Variants in DLGAP2 observed in about 807,000 individuals in gnomAD.
The protein encoded by DLGAP2 is DLG associated protein 2.
DLGAP2 carries 26 observed loss-of-function variants against 100.3 expected under a neutral mutation model. The observed-to-expected ratio is 0.26, with a 90% confidence interval of 0.19 to 0.36. DLGAP2 has a LOEUF of 0.36. Among genes scored for constraint, DLGAP2 ranks in the 10% least tolerant of loss-of-function variants. DLGAP2 has a pLI of 1.00. For missense variants in DLGAP2, 1,858 were observed against 1,453.2 expected, an observed-to-expected ratio of 1.28 and a Z score of -4.53; for synonymous variants, 886 against 630.1, an observed-to-expected ratio of 1.41 and a Z score of -6.08.
rs548883503 is a variant in DLGAP2 at position 1,144,998 on chromosome 8, C to T, written c.74-113853C>T. 1.4e-4 allele frequency among the ~76,000 whole-genome samples: 21 copies of T among 152,342 alleles called. No homozygotes were observed. The South Asian group carries it at 3.5e-3, about 26-fold the overall frequency. On this transcript the variant is annotated intron_variant, in intron 2 of 14. Coordinates refer to ENST00000637795, the MANE Select transcript of DLGAP2 (RefSeq NM_001346810.2). Reference sequence around the variant, plus strand: ...TATGAACAGACAAACCACAAATGGCCTGTATTCACAATGCAAAGGAAGGAA... The same window carrying T: ...TATGAACAGACAAACCACAAATGGCTTGTATTCACAATGCAAAGGAAGGAA...
At position 797,167 on chromosome 8, in the gene DLGAP2, A is replaced by T. The variant is rs7461510; in HGVS notation, c.18+59342A>T. On this transcript the variant is annotated intron_variant, in intron 1 of 14. Transcript: ENST00000637795. Reference sequence around the variant, plus strand: ...ACGACCCTGTAGTCACCACCCAAGAAGAAGACGTCCCGTCATCTCCGAAAG... The same window carrying T: ...ACGACCCTGTAGTCACCACCCAAGATGAAGACGTCCCGTCATCTCCGAAAG... 9.8e-5 allele frequency among the ~76,000 whole-genome samples: 15 copies of T among 152,292 alleles called. No homozygotes were observed. In the East Asian group the frequency reaches 1.7e-3, roughly 18 times the overall value.
chr8:795,696 G>A (rs75072938), intron 1 of DLGAP2, among the ~76,000 whole-genome samples: 346 of 21,708 alleles, frequency 0.016, 1 homozygote, highest in Admixed American at 0.021. Context: ...TCCAGTGAGA[G>A]CAGGCGTCCA....
At chr8:1,588,426 T>C (rs1434175137) in intron 6 of DLGAP2, among the ~76,000 whole-genome samples, 1 of 152,216 alleles carries the variant, frequency 6.6e-6, no homozygotes, top group Admixed American at 6.5e-5. Context: ...GCTCATCTTA[T>C]ATGTAATTCT....
chr8:877,850 A>G (rs946464300), intron 1 of DLGAP2, among the ~76,000 whole-genome samples: 4 of 152,204 alleles, frequency 2.6e-5, no homozygotes, highest in Non-Finnish European at 4.4e-5. Context: ...GATGGCCCAT[A>G]ACCATCTGCT....
chr8:987,312 G>A (rs1012494138), intron 2 of DLGAP2, among the ~76,000 whole-genome samples: 1 of 152,132 alleles, frequency 6.6e-6, no homozygotes, highest in Non-Finnish European at 1.5e-5. Flanking sequence ...GTGTCCACGG[G>A]TCCTGCTGGG....
chr8:1,054,191 C>G (rs747244127), intron 2 of DLGAP2, among the ~76,000 whole-genome samples: 2 of 150,934 alleles, frequency 1.3e-5, no homozygotes, highest in Admixed American at 1.3e-4. Flanking sequence ...CACATGTACA[C>G]GCACGCACAC....
chr8:1,323,610 T>A (rs917360403), intron 3 of DLGAP2, among the ~76,000 whole-genome samples: 11 of 152,204 alleles, frequency 7.2e-5, no homozygotes, highest in African/African-American at 2.4e-4. Flanking sequence ...TGTACGGGGA[T>A]GCAGATACGG....
In DLGAP2 at chr8:956,572, G is replaced by A. The variant is rs114488603; in HGVS notation, c.73+48606G>A. Among the ~76,000 whole-genome samples the A allele has an allele frequency of 2.7e-3, 414 of 152,298 alleles. 4 individuals carry two copies. The highest frequency in any genetic ancestry group is 9.2e-3 in the African/African-American group (384 of 41,580). On this transcript the variant is annotated intron_variant, in intron 2 of 14. Transcript: ENST00000637795. The stretch of plus-strand genomic sequence containing the variant: ...GGACCAGGGCAGGAGGGGCCACAGA[G>A]CCACGCATCGTGGGCATCAAAACAC...
intron 3 of DLGAP2, among the ~76,000 whole-genome samples, chr8:1,392,836 G>A (rs1280877564): frequency 6.6e-6 from 1 of 150,588 alleles, no homozygotes. Flanking sequence ...TTGGCAAAGT[G>A]AATGTATGTG....
At chr8:1,148,083 C>T (rs1168094816) in intron 2 of DLGAP2, among the ~76,000 whole-genome samples, 2 of 152,084 alleles carry the variant, frequency 1.3e-5, no homozygotes, top group Admixed American at 6.6e-5. Context: ...CTGGAGAAGC[C>T]ATCTACTTCT....
chr8:847,509 C>CT lies in DLGAP2; in HGVS notation c.19-60394dup, dbSNP rs1276898070. ...TCTTGATTGTGTACTTTTTTCTTTT[C>CT]TTTTTTTTTCTTTTTGAGACAAGGT... is the stretch of plus-strand genomic sequence containing the variant. On this transcript the variant is annotated intron_variant, in intron 1 of 14. Coordinates refer to ENST00000637795, the MANE Select transcript of DLGAP2 (RefSeq NM_001346810.2). Among the ~76,000 whole-genome samples, 8 of 150,334 alleles carry CT rather than the reference C, an allele frequency of 5.3e-5. No homozygotes were observed. The East Asian group carries it at 5.8e-4, about 11-fold the overall frequency.
intron 2 of DLGAP2, among the ~76,000 whole-genome samples, chr8:981,014 A>C (rs889944234): frequency 3.3e-5 from 5 of 152,116 alleles, no homozygotes; most frequent in African/African-American, 1.2e-4. Flanking sequence ...CAACATTACC[A>C]TCTATTTCCG....
chr8:1,655,944 G>A (rs1217219425), intron 8 of DLGAP2, among the ~76,000 whole-genome samples: 2 of 152,304 alleles, frequency 1.3e-5, no homozygotes, highest in East Asian at 3.9e-4. Flanking sequence ...GGTAGCTGCT[G>A]GCCGCACCTG....
At chr8:952,321 G>A (rs1417385653) in intron 2 of DLGAP2, among the ~76,000 whole-genome samples, 1 of 152,192 alleles carries the variant, frequency 6.6e-6, no homozygotes, top group Non-Finnish European at 1.5e-5. Flanking sequence ...TTCTGTTTAT[G>A]TCTCTTGATG....
rs187604338 is a variant in DLGAP2 at position 743,776 on chromosome 8, A to T, written c.18+5951A>T. Among the ~76,000 whole-genome samples the T allele has an allele frequency of 1.2e-3, 176 of 152,278 alleles. 1 individual carries two copies. Among genetic ancestry groups the T allele is most frequent in the African/African-American group, 3.8e-3 (158 of 41,550 alleles). On this transcript the variant is annotated intron_variant, in intron 1 of 14. Coordinates refer to ENST00000637795, the MANE Select transcript of DLGAP2 (RefSeq NM_001346810.2). ...GATGGGGTTTCACCATGTTGTCCAGACTAGACTCTGACTCCTGGGCTCTAG... is the reference window on the plus strand; with the variant it reads ...GATGGGGTTTCACCATGTTGTCCAGTCTAGACTCTGACTCCTGGGCTCTAG...
intron 3 of DLGAP2, among the ~76,000 whole-genome samples, chr8:1,327,723 A>C (rs1801054451): frequency 6.6e-6 from 1 of 152,076 alleles, no homozygotes; most frequent in Non-Finnish European, 1.5e-5. Context: ...GGGCGCCTGT[A>C]GTCCCAGCTA....
chr8:802,530 T>G (rs1298946278), intron 1 of DLGAP2, among the ~76,000 whole-genome samples: 3 of 152,160 alleles, frequency 2.0e-5, no homozygotes, highest in Non-Finnish European at 1.5e-5. Flanking sequence ...CCAGATTGGC[T>G]CATCCAGTCC....
intron 1 of DLGAP2, among the ~76,000 whole-genome samples, chr8:796,040 G>C (rs76816825): frequency 1.4e-4 from 17 of 125,808 alleles, no homozygotes; most frequent in Admixed American, 2.3e-4. Context: ...GTGAGAGCAG[G>C]CGTCCAGTGA....
At chr8:1,067,399 G>C (rs1563173773) in intron 2 of DLGAP2, among the ~76,000 whole-genome samples, 1 of 152,320 alleles carries the variant, frequency 6.6e-6, no homozygotes, top group East Asian at 1.9e-4. Flanking sequence ...GCATCACCTG[G>C]TGCCTGGGAA....
Sources: gnomAD v4.1 joint callset for allele counts (sites outside exome capture counted in the v4.1 genomes callset) on GRCh38, gnomAD v4.1.1 for gene constraint, MANE v1.5 for transcripts, NCBI Gene and HGNC (gene_info 2026-07-23, HGNC 2026-07-21) for gene names.